PRKN: variants seen among roughly 807,000 people sequenced by gnomAD.
The protein encoded by PRKN is E3 ubiquitin-protein ligase parkin.
A neutral mutation model predicts 59.5 loss-of-function variants in PRKN; 56 were observed. The ratio of observed to expected loss-of-function variants is 0.94; its 90% CI spans 0.76 to 1.18. The LOEUF is 1.18. Among genes scored for constraint, PRKN ranks in the 50% most tolerant of loss-of-function variants. The pLI, the probability that PRKN is intolerant of heterozygous loss-of-function variation, is 0.00. For missense variants in PRKN, 657 were observed against 596.4 expected, an observed-to-expected ratio of 1.10 and a Z score of -1.06; for synonymous variants, 250 against 222.1, an observed-to-expected ratio of 1.13 and a Z score of -1.12.
chr6:161,840,646 G>A (rs1393674246), intron 6 of PRKN, among the ~76,000 whole-genome samples: 1 of 151,858 alleles, frequency 6.6e-6, no homozygotes, highest in Non-Finnish European at 1.5e-5. Flanking sequence ...TTCCCCTCCA[G>A]TGTATGTGTC....
chr6:161,939,742 T>G (rs993678842), intron 6 of PRKN, among the ~76,000 whole-genome samples: 1 of 151,050 alleles, frequency 6.6e-6, no homozygotes, highest in Non-Finnish European at 1.5e-5. Context: ...CAGAAAAAAA[T>G]AAAAGAAAAA....
At chr6:162,664,355 C>A (rs2803095) in intron 1 of PRKN, among the ~76,000 whole-genome samples, 2 of 151,962 alleles carry the variant, frequency 1.3e-5, no homozygotes, top group Admixed American at 1.3e-4. Flanking sequence ...AATAAACATA[C>A]GTGTACATAT....
At chr6:162,578,227 AC>A (rs1436679094) in intron 1 of PRKN, among the ~76,000 whole-genome samples, 1 of 152,208 alleles carries the variant, frequency 6.6e-6, no homozygotes, top group Non-Finnish European at 1.5e-5. Flanking sequence ...AAAAACATGT[AC>A]AAAACTATGT....
In PRKN at chr6:162,056,985, T is replaced by C. The variant is rs1777894577; in HGVS notation, c.535-2811A>G. On this transcript the variant is annotated intron_variant, in intron 4 of 11. Coordinates refer to ENST00000366898, the MANE Select transcript of PRKN (RefSeq NM_004562.3). The surrounding 1 kb of genome is among the most constrained non-coding windows in gnomAD (Gnocchi z 4.9). ...TTTCCCCTCGCTTCATATCCTTTTG[T>C]TGTAGTGAATCTTAGCTATGTGTGT... is the stretch of plus-strand genomic sequence containing the variant. Among the ~76,000 whole-genome samples the C allele has an allele frequency of 6.6e-6, 1 of 152,074 alleles. No homozygotes were observed. Among genetic ancestry groups the C allele is most frequent in the Admixed American group, 6.5e-5 (1 of 15,274 alleles).
intron 7 of PRKN, among the ~76,000 whole-genome samples, chr6:161,722,422 T>G (rs887518338): frequency 6.6e-6 from 1 of 152,198 alleles, no homozygotes; most frequent in Non-Finnish European, 1.5e-5. Context: ...TATAATTTAG[T>G]TAGCTCAGCA....
chr6:162,070,021 C>T (rs1159543557), intron 4 of PRKN, among the ~76,000 whole-genome samples: 3 of 152,182 alleles, frequency 2.0e-5, no homozygotes, highest in African/African-American at 4.8e-5. Flanking sequence ...GGTTTGTCTA[C>T]AAATCGCTTT....
rs1177058975 is a variant in PRKN at position 161,592,095 on chromosome 6, C to T, written c.872-22679G>A. Among the ~76,000 whole-genome samples, 1 of 152,060 alleles carries T rather than the reference C, an allele frequency of 6.6e-6. No homozygotes were observed. Among genetic ancestry groups the T allele is most frequent in the Non-Finnish European group, 1.5e-5 (1 of 68,004 alleles). On this transcript the variant is annotated intron_variant, in intron 7 of 11. Coordinates refer to ENST00000366898, the MANE Select transcript of PRKN (RefSeq NM_004562.3). The surrounding 1 kb of genome is among the most constrained non-coding windows in gnomAD (Gnocchi z 4.8). The stretch of plus-strand genomic sequence containing the variant: ...ATGTATATCTAATACAAAGTCAATG[C>T]TATGTAAATAGTTGTTATATTGCAA...
intron 1 of PRKN, among the ~76,000 whole-genome samples, chr6:162,471,326 G>A (rs1458333600): frequency 1.3e-5 from 2 of 152,078 alleles, no homozygotes; most frequent in East Asian, 1.9e-4. Context: ...TCGAACTCCT[G>A]ACCTCAGGTG....
intron 6 of PRKN, among the ~76,000 whole-genome samples, chr6:161,951,064 T>C (rs1387682187): frequency 1.3e-5 from 2 of 151,616 alleles, no homozygotes; most frequent in African/African-American, 2.4e-5. Context: ...AAGTAATCAG[T>C]CTAAAAAAAG....
chr6:162,268,066 T>C (rs1780213870), intron 2 of PRKN, among the ~76,000 whole-genome samples: 1 of 152,196 alleles, frequency 6.6e-6, no homozygotes, highest in African/African-American at 2.4e-5. Context: ...AAAATAGTTA[T>C]GTTAATAATA....
rs559250596 is a variant in PRKN at position 161,407,991 on chromosome 6, T to C, written c.1084-21114A>G. On this transcript the variant is annotated intron_variant, in intron 9 of 11. Coordinates refer to ENST00000366898, the MANE Select transcript of PRKN (RefSeq NM_004562.3). This position sits in a 1 kb window ranked among gnomAD's most constrained non-coding sequence, Gnocchi z 4.9. ...TATCTCCCTTCGCTGACTCTCTTTT[T>C]GGACTCAGCCCACTTGCACCCAAGT... Among the ~76,000 whole-genome samples the C allele has an allele frequency of 2.0e-5, 3 of 152,302 alleles. No individual in the cohort carries two copies. Among genetic ancestry groups the C allele is most frequent in the African/African-American group, 7.2e-5 (3 of 41,560 alleles).
chr6:162,592,196 A>G (rs1781337549), intron 1 of PRKN, among the ~76,000 whole-genome samples: 1 of 152,012 alleles, frequency 6.6e-6, no homozygotes, highest in Non-Finnish European at 1.5e-5. Context: ...ACGAGGTTTC[A>G]CCATGTTAGC....
intron 1 of PRKN, among the ~76,000 whole-genome samples, chr6:162,700,409 C>T (rs373991199): frequency 1.2e-3 from 188 of 152,220 alleles, no homozygotes; most frequent in South Asian, 3.7e-3. Flanking sequence ...CTCTTGTGCC[C>T]ACTGTTTATA....
chr6:162,410,440 G>T lies in PRKN; in HGVS notation c.171+32870C>A, dbSNP rs1043851146. Among the ~76,000 whole-genome samples, 2 of 152,140 alleles carry T rather than the reference G, an allele frequency of 1.3e-5. 1 individual carries two copies. The highest frequency in any genetic ancestry group is 4.8e-5 in the African/African-American group (2 of 41,436). On this transcript the variant is annotated intron_variant, in intron 2 of 11. Coordinates refer to ENST00000366898, the MANE Select transcript of PRKN (RefSeq NM_004562.3). ...GAAAGTCCACACCCTCCATCTAGCC[G>T]GGTCTCCTCCTGCCTCCCTTGGGGA...
chr6:162,567,315 G>C (rs1780124970), intron 1 of PRKN, among the ~76,000 whole-genome samples: 1 of 152,066 alleles, frequency 6.6e-6, no homozygotes, highest in Non-Finnish European at 1.5e-5. Context: ...AAATTGTAAA[G>C]GAAGAAGTCA....
chr6:162,686,014 ATTAT>A (rs1330870783), intron 1 of PRKN, among the ~76,000 whole-genome samples: 5 of 152,274 alleles, frequency 3.3e-5, no homozygotes, highest in Admixed American at 6.5e-5. Context: ...GAGCGCACAA[ATTAT>A]TAAACAGATA....
chr6:161,873,070 C>A (rs1794410346), intron 6 of PRKN, among the ~76,000 whole-genome samples: 2 of 150,372 alleles, frequency 1.3e-5, no homozygotes, highest in South Asian at 4.2e-4. Flanking sequence ...AACAGGGGAT[C>A]GATGAAATAA....
intron 4 of PRKN, among the ~76,000 whole-genome samples, chr6:162,115,063 T>C (rs951122987): frequency 6.6e-5 from 10 of 152,012 alleles, no homozygotes; most frequent in African/African-American, 1.9e-4. Context: ...TATTGCGGCA[T>C]TATTCACAAT....
At chr6:161,761,804 C>T (rs984570182) in intron 7 of PRKN, among the ~76,000 whole-genome samples, 17 of 152,108 alleles carry the variant, frequency 1.1e-4, no homozygotes, top group Non-Finnish European at 2.1e-4. Context: ...CTGGGAAAAA[C>T]GGAATCCCAA....
Sources: allele counts gnomAD v4.1 joint callset (sites outside exome capture counted in the v4.1 genomes callset), GRCh38; gene constraint gnomAD v4.1.1; non-coding constraint Gnocchi (gnomAD v3.1); transcripts MANE v1.5; gene names NCBI Gene and HGNC (gene_info 2026-07-23, HGNC 2026-07-21).